The following NNMT variants were observed in gnomAD, a reference collection of about 807,000 sequenced individuals.
NNMT encodes nicotinamide N-methyltransferase.
In NNMT, 10 loss-of-function variants were observed where a neutral mutation model predicts 11.7. The observed-to-expected ratio is 0.85, with a 90% CI of 0.53 to 1.45. The LOEUF (loss-of-function observed/expected upper bound fraction) is 1.45. NNMT is among the 40% of genes most tolerant of loss of function. NNMT has a pLI of 0.00. For missense variants in NNMT, 381 were observed against 319.4 expected (o/e 1.19, Z -1.47); for synonymous variants, 143 against 133.8 (o/e 1.07, Z -0.48).
rs11214928 is a variant in NNMT at position 114,284,697 on chromosome 11, T to A, written c.-129-11731T>A. ...CAGGATGGTCTCGATCTCCTGACCT[T>A]GTGATATGCCCACCTTGGCCTCCCA... On this transcript the variant is annotated intron_variant, in intron 2 of 4. Coordinates refer to the NNMT transcript ENST00000535401. Among the ~76,000 whole-genome samples the A allele has an allele frequency of 1.3e-5, 2 of 151,284 alleles. 1 individual carries two copies. Among genetic ancestry groups the A allele is most frequent in the Non-Finnish European group, 2.9e-5 (2 of 67,894 alleles).
At chr11:114,302,226 G>T (rs949469704) in intron 2 of NNMT, among the ~76,000 whole-genome samples, 4 of 152,022 alleles carry the variant, frequency 2.6e-5, no homozygotes, top group African/African-American at 9.7e-5. Context: ...TCTGATTGTT[G>T]TTCACCTGTG....
chr11:114,280,992 G>A lies in NNMT; in HGVS notation c.-129-15436G>A, dbSNP rs577508047. Among the ~76,000 whole-genome samples the A allele has an allele frequency of 4.9e-4, 74 of 152,308 alleles. No homozygotes were observed. In the South Asian group the frequency reaches 0.015, roughly 31 times the overall value. On this transcript the variant is annotated intron_variant, in intron 2 of 4. Transcript: ENST00000535401. ...CTCCACCCGGCCATGTATTCTACAT[G>A]TTGCCTCACCTCCACCACAGAAGCT...
Position 114,298,079 on chromosome 11 carries a change from G to A in NNMT, c.283G>A (p.Glu95Lys). The change falls in exon 2 of 3, where the codon GAG becomes AAG. Residue 95 changes from glutamate (E) to lysine (K), a missense_variant. Transcript: ENST00000299964. ...DYSDQNLQEL[E>K]KWLKKEPEAF... ...CTCAGACCAGAACCTGCAGGAGCTG[G>A]AGAAGTGGCTGAAGAAAGAGCCAGA... The A allele has an allele frequency of 2.5e-6, 4 of 1,614,158 alleles. No individual in the cohort carries two copies. The highest frequency in any genetic ancestry group is 3.4e-6 in the Non-Finnish European group (4 of 1,180,040).
chr11:114,258,733 A>G (rs1441423056), intron 1 of NNMT, among the ~76,000 whole-genome samples: 1 of 152,180 alleles, frequency 6.6e-6, no homozygotes, highest in Non-Finnish European at 1.5e-5. Flanking sequence ...AAGTTCCAAG[A>G]CACCCTGAGT....
At chr11:114,282,900 T>A (rs1301324898) in intron 2 of NNMT, among the ~76,000 whole-genome samples, 1 of 152,256 alleles carries the variant, frequency 6.6e-6, no homozygotes, top group Non-Finnish European at 1.5e-5. Flanking sequence ...ACTTAGCTTA[T>A]CTCACTGATA....
At position 114,301,893 on chromosome 11, in the gene NNMT, C is replaced by T. The variant is rs1229542037; in HGVS notation, c.362+3735C>T. Among the ~76,000 whole-genome samples the T allele has an allele frequency of 2.0e-5, 3 of 151,898 alleles. No homozygotes were observed. The East Asian group carries it at 5.8e-4, about 29-fold the overall frequency. Reference sequence around the variant, plus strand: ...TTTATTGGGTATTCTGTCTCTATCTCACTCTCTTGTCCTGGGGAGTGAGCT... The same window carrying T: ...TTTATTGGGTATTCTGTCTCTATCTTACTCTCTTGTCCTGGGGAGTGAGCT... On this transcript the variant is annotated intron_variant, in intron 2 of 2. Transcript: ENST00000299964.
intron 2 of NNMT, among the ~76,000 whole-genome samples, chr11:114,306,385 G>C (rs1475531682): frequency 6.6e-6 from 1 of 152,136 alleles, no homozygotes. Flanking sequence ...GGCTTTTGTT[G>C]CTATTGCTTT....
At chr11:114,304,221 C>T (rs1945468431) in intron 2 of NNMT, among the ~76,000 whole-genome samples, 1 of 152,194 alleles carries the variant, frequency 6.6e-6, no homozygotes, top group Admixed American at 6.5e-5. Context: ...AGACAACACA[C>T]CTTGCCAAAG....
upstream of NNMT, among the ~76,000 whole-genome samples, chr11:114,293,189 G>A (rs1421219513): frequency 1.3e-5 from 2 of 152,118 alleles, no homozygotes; most frequent in East Asian, 1.9e-4. Context: ...CAGTGCCTGG[G>A]GTCAGTCCAC....
Position 114,283,356 on chromosome 11 carries a change from G to A in NNMT, c.-129-13072G>A, listed in dbSNP as rs187112826. 3.0e-4 allele frequency among the ~76,000 whole-genome samples: 45 copies of A among 152,300 alleles called. No individual in the cohort carries two copies. The East Asian group carries it at 6.0e-3, about 20-fold the overall frequency. Reference sequence around the variant, plus strand: ...ATGAAGCAGTGGGTCACATACACACGTAATGTGATAGGGCTTTAATGCATA... The same window carrying A: ...ATGAAGCAGTGGGTCACATACACACATAATGTGATAGGGCTTTAATGCATA... On this transcript the variant is annotated intron_variant, in intron 2 of 4. Transcript: ENST00000535401.
At chr11:114,288,176 G>A (rs1447888876) in intron 2 of NNMT, among the ~76,000 whole-genome samples, 1 of 152,044 alleles carries the variant, frequency 6.6e-6, no homozygotes, top group Non-Finnish European at 1.5e-5. Flanking sequence ...AATAGTAACA[G>A]TTTTTTCTTT....
Position 114,312,050 on chromosome 11 carries a change from AG to A in NNMT, c.371del (p.Gly124ValfsTer8). On this transcript the variant is annotated frameshift_variant, in exon 3 of 3. Coordinates refer to ENST00000299964, the MANE Select transcript of NNMT (RefSeq NM_006169.3). LOFTEE classifies it low-confidence loss of function (END_TRUNC). ...TGTGGGTTTGTGTTTTTCAGAGTCA[AG>A]GGTCCAGAGAAGGAGGAGAAGTTGA... ...YVCDLEGNRV[K>X]GPEKEEKLRQ... The A allele has an allele frequency of 6.4e-7, 1 of 1,560,966 alleles. No homozygotes were observed. Among genetic ancestry groups the A allele is most frequent in the Non-Finnish European group, 8.7e-7 (1 of 1,149,556 alleles).
upstream of NNMT, among the ~76,000 whole-genome samples, chr11:114,292,705 G>A (rs185348285): frequency 1.3e-5 from 2 of 151,994 alleles, no homozygotes; most frequent in East Asian, 1.9e-4. Context: ...TGGGTAGAGG[G>A]TCATTACAAG....
chr11:114,312,672 C>A lies in NNMT; in HGVS notation c.*195C>A. 1.8e-6 allele frequency: 1 copy of A among 564,390 alleles called. No homozygotes were observed. Among genetic ancestry groups the A allele is most frequent in the South Asian group, 2.7e-5 (1 of 37,486 alleles). The allele number at this position is 564,390 out of a possible 1,614,324, so 35.0% of individuals were successfully genotyped here. On this transcript the variant is annotated 3_prime_UTR_variant, in exon 3 of 3. Transcript: ENST00000299964. ...TTGGTGCTGCACACAAATGTTGGTG[C>A]TATGGGACCCAAAGATGAGCAATTA...
intron 2 of NNMT, among the ~76,000 whole-genome samples, chr11:114,289,544 T>C (rs1945320783): frequency 3.9e-5 from 6 of 152,208 alleles, no homozygotes; most frequent in Admixed American, 3.9e-4. Flanking sequence ...AGTTTTTATA[T>C]GTAGTATTTT....
At chr11:114,270,395 A>T (rs1278162197) in intron 2 of NNMT, 3 of 152,124 alleles carry the variant, frequency 2.0e-5, no homozygotes, top group African/African-American at 7.2e-5. Flanking sequence ...ACTCATCTCT[A>T]TTCTCAATGT....
At position 114,296,663 on chromosome 11, in the gene NNMT, A is replaced by G; in HGVS notation, c.107A>G (p.Gln36Arg). The G allele has an allele frequency of 6.2e-7, 1 of 1,614,246 alleles. No individual in the cohort carries two copies. Among genetic ancestry groups the G allele is most frequent in the Non-Finnish European group, 8.5e-7 (1 of 1,180,036 alleles). The stretch of plus-strand genomic sequence containing the variant: ...GGTTCTAGGCACTCTGCAGAAAGCC[A>G]GATTCTTAAGCACCTTCTGAAAAAT... ...KFGSRHSAES[Q>R]ILKHLLKNLF... is the part of the protein sequence containing the mutation. The change falls in exon 1 of 3, where the codon CAG becomes CGG. Residue 36 changes from glutamine to arginine, a missense_variant. Coordinates refer to ENST00000299964, the MANE Select transcript of NNMT (RefSeq NM_006169.3).
intron 2 of NNMT, among the ~76,000 whole-genome samples, chr11:114,284,728 C>T (rs1945284891): frequency 6.9e-6 from 1 of 144,962 alleles, no homozygotes; most frequent in Non-Finnish European, 1.5e-5. Flanking sequence ...TCCCAAAGTG[C>T]TGAGATGACA....
chr11:114,289,425 CT>C (rs1945319875), intron 2 of NNMT, among the ~76,000 whole-genome samples: 1 of 152,100 alleles, frequency 6.6e-6, no homozygotes, highest in Non-Finnish European at 1.5e-5. Flanking sequence ...TATTTTGCTG[CT>C]CCTTTCTTAA....
Sources: allele counts gnomAD v4.1 joint callset (sites outside exome capture counted in the v4.1 genomes callset), GRCh38; gene constraint gnomAD v4.1.1; transcripts MANE v1.5; gene names NCBI Gene and HGNC (gene_info 2026-07-23, HGNC 2026-07-21).